The following COL19A1 variants were observed in gnomAD, a reference collection of about 807,000 sequenced individuals.
COL19A1 encodes the protein collagen alpha-1(XIX) chain.
COL19A1 carries 159 observed loss-of-function variants against 190.2 expected under a neutral mutation model. That is an observed-to-expected ratio of 0.84 (90% CI 0.73 to 0.95). COL19A1 has a LOEUF of 0.95. Among genes scored for constraint, COL19A1 ranks in the 40% least tolerant of loss-of-function variants. The pLI, the probability that COL19A1 is intolerant of heterozygous loss-of-function variation, is 0.00. For synonymous variants in COL19A1, 509 were observed against 458.9 expected (o/e 1.11, Z -1.39); for missense variants, 1,418 against 1,431.9 (o/e 0.99, Z 0.16).
chr6:69,964,479 A>G (rs1774979160), intron 11 of COL19A1, among the ~76,000 whole-genome samples: 1 of 152,192 alleles, frequency 6.6e-6, no homozygotes, highest in Non-Finnish European at 1.5e-5. Flanking sequence ...CTGAACAGAT[A>G]TATTCTCTGT....
chr6:70,202,961 T>C (rs1359312551), intron 49 of COL19A1, among the ~76,000 whole-genome samples: 2 of 152,192 alleles, frequency 1.3e-5, no homozygotes, highest in African/African-American at 4.8e-5. Context: ...GAACTTTCCT[T>C]GGTGTCCATT....
Position 69,928,021 on chromosome 6 carries a change from A to G in COL19A1, c.379A>G (p.Asn127Asp), listed in dbSNP as rs749196978. 2.0e-5 allele frequency: 32 copies of G among 1,612,942 alleles called. No homozygotes were observed. The highest frequency in any genetic ancestry group is 3.3e-4 in the Middle Eastern group (2 of 6,072). The change falls in exon 5 of 51, where the codon AAT becomes GAT. Residue 127 changes from asparagine to aspartate, a missense_variant. By Grantham distance (23) the Asn-to-Asp change is conservative. Coordinates refer to ENST00000620364, the MANE Select transcript of COL19A1 (RefSeq NM_001858.6). ...TCTGTGGCAGGTTTTAAACCAGCAGAATATTCCACAGGTAAAGTACCATTA... is the reference window on the plus strand; with the variant it reads ...TCTGTGGCAGGTTTTAAACCAGCAGGATATTCCACAGGTAAAGTACCATTA... ...WFLWQVLNQQNIPQISIVVDG... is the reference protein window; with the variant it reads ...WFLWQVLNQQDIPQISIVVDG...
intron 14 of COL19A1, among the ~76,000 whole-genome samples, chr6:70,041,063 A>T (rs1436775514): frequency 6.6e-6 from 1 of 152,236 alleles, no homozygotes; most frequent in African/African-American, 2.4e-5. Context: ...CTTTCAGCCC[A>T]GAAGGTGGGA....
chr6:69,940,376 C>G (rs1773395264), intron 9 of COL19A1, among the ~76,000 whole-genome samples: 1 of 152,012 alleles, frequency 6.6e-6, no homozygotes, highest in Non-Finnish European at 1.5e-5. Context: ...TAATAAAATA[C>G]AGGGCCTGCT....
At chr6:70,202,906 C>T (rs770705694) in intron 49 of COL19A1, among the ~76,000 whole-genome samples, 2 of 152,096 alleles carry the variant, frequency 1.3e-5, no homozygotes, top group African/African-American at 4.8e-5. Context: ...AGATTTTAGC[C>T]GTCCCATGGG....
At position 70,210,157 on chromosome 6, in the gene COL19A1, C is replaced by A. The variant is rs9346371; in HGVS notation, c.*2883C>A. Among the ~76,000 whole-genome samples, 2 of 151,946 alleles carry A rather than the reference C, an allele frequency of 1.3e-5. No individual in the cohort carries two copies. The highest frequency in any genetic ancestry group is 2.9e-5 in the Non-Finnish European group (2 of 67,960). On this transcript the variant is annotated 3_prime_UTR_variant, in exon 51 of 51. Coordinates refer to ENST00000620364, the MANE Select transcript of COL19A1 (RefSeq NM_001858.6). ...AATACAAAATAATTATGGGCCATGACGACGATTAATATTAAAACTGTGATT... is the reference window on the plus strand; with the variant it reads ...AATACAAAATAATTATGGGCCATGAAGACGATTAATATTAAAACTGTGATT...
intron 35 of COL19A1, among the ~76,000 whole-genome samples, chr6:70,162,558 T>C (rs1562234088): frequency 6.6e-6 from 1 of 152,184 alleles, no homozygotes; most frequent in African/African-American, 2.4e-5. Flanking sequence ...GTGCATGCAG[T>C]TAAATTTGAA....
At chr6:70,162,684 G>A (rs1787881959) in intron 35 of COL19A1, among the ~76,000 whole-genome samples, 1 of 152,110 alleles carries the variant, frequency 6.6e-6, no homozygotes, top group South Asian at 2.1e-4. Flanking sequence ...CTTTCTTAGA[G>A]TTCCTATGCC....
chr6:69,925,907 G>A (rs1772353575), intron 4 of COL19A1, among the ~76,000 whole-genome samples: 1 of 152,152 alleles, frequency 6.6e-6, no homozygotes, highest in African/African-American at 2.4e-5. Flanking sequence ...TGGTGTATAA[G>A]AATGCTTGTG....
chr6:69,892,028 C>T (rs1181874832), intron 2 of COL19A1, among the ~76,000 whole-genome samples: 5 of 152,172 alleles, frequency 3.3e-5, no homozygotes, highest in Non-Finnish European at 7.3e-5. Context: ...ACTGAGTCCT[C>T]CTCCAACAAG....
chr6:69,907,107 ATTTTTT>A (rs56927758), intron 4 of COL19A1, among the ~76,000 whole-genome samples: 5 of 129,404 alleles, frequency 3.9e-5, no homozygotes, highest in African/African-American at 5.8e-5. Context: ...TATTATTATT[ATTTTTT>A]TTTTTTTTTT....
At chr6:69,899,427 G>A (rs561565460) in intron 3 of COL19A1, among the ~76,000 whole-genome samples, 1 of 152,112 alleles carries the variant, frequency 6.6e-6, no homozygotes, top group South Asian at 2.1e-4. Flanking sequence ...TGCTGGGATT[G>A]CAGGCGTGAG....
chr6:70,034,104 A>G (rs1779217137), intron 12 of COL19A1, 141 bp from the exon 13 acceptor site: 2 of 639,894 alleles, frequency 3.1e-6, no homozygotes, highest in Admixed American at 2.5e-5. Flanking sequence ...TTTTAGTGCC[A>G]GTTGTCTCTA....
At chr6:69,885,522 A>G (rs1768863468) in intron 2 of COL19A1, among the ~76,000 whole-genome samples, 1 of 152,196 alleles carries the variant, frequency 6.6e-6, no homozygotes. Flanking sequence ...CTCAAATGCA[A>G]TACAATTTTA....
chr6:70,024,624 GGTGT>G (rs1778631903), intron 12 of COL19A1, among the ~76,000 whole-genome samples: 1 of 128,202 alleles, frequency 7.8e-6, no homozygotes, highest in Non-Finnish European at 1.8e-5. Flanking sequence ...TGGGTGTGTG[GGTGT>G]GTGTGTGTGG....
Position 70,062,989 on chromosome 6 carries a change from T to G in COL19A1, c.1171-5434T>G, listed in dbSNP as rs986244807. Among the ~76,000 whole-genome samples the G allele has an allele frequency of 2.0e-5, 3 of 152,172 alleles. No homozygotes were observed. The East Asian group carries it at 5.8e-4, about 29-fold the overall frequency. ...CACCCAGATTCATAAAGCAAGTCCT[T>G]AGAGACCTACAAAGAGCCTTAGACT... is the stretch of plus-strand genomic sequence containing the variant. On this transcript the variant is annotated intron_variant, in intron 14 of 50. Transcript: ENST00000620364.
chr6:70,046,110 G>A (rs1050913312), intron 14 of COL19A1, among the ~76,000 whole-genome samples: 1 of 152,142 alleles, frequency 6.6e-6, no homozygotes, highest in Non-Finnish European at 1.5e-5. Context: ...TCTTGCTCCT[G>A]TAAACATAAG....
intron 17 of COL19A1, among the ~76,000 whole-genome samples, chr6:70,125,199 T>C (rs961102388): frequency 2.0e-5 from 3 of 152,146 alleles, no homozygotes; most frequent in Non-Finnish European, 4.4e-5. Flanking sequence ...TAATGGACCA[T>C]GTATTGAGAC....
intron 13 of COL19A1, among the ~76,000 whole-genome samples, chr6:70,034,884 T>G (rs1469638143): frequency 6.6e-6 from 1 of 152,192 alleles, no homozygotes; most frequent in East Asian, 1.9e-4. Flanking sequence ...TTTAGCACAT[T>G]TAGAAATCCT....
Sources: allele counts gnomAD v4.1 joint callset (sites outside exome capture counted in the v4.1 genomes callset), GRCh38; gene constraint gnomAD v4.1.1; transcripts MANE v1.5; gene names NCBI Gene and HGNC (gene_info 2026-07-23, HGNC 2026-07-21).